RPS6KA5: variants seen among roughly 807,000 people sequenced by gnomAD.
RPS6KA5 encodes ribosomal protein S6 kinase A5.
In RPS6KA5, 27 loss-of-function variants were observed where a neutral mutation model predicts 85.5. The ratio of observed to expected loss-of-function variants is 0.32; its 90% confidence interval spans 0.23 to 0.44. The LOEUF (loss-of-function observed/expected upper bound fraction) is 0.44. Among genes scored for constraint, RPS6KA5 ranks in the 20% least tolerant of loss-of-function variants. RPS6KA5 has a pLI of 1.00. For missense variants in RPS6KA5, 811 were observed against 980.9 expected (o/e 0.83, Z 2.31); for synonymous variants, 334 against 348.2 (o/e 0.96, Z 0.46).
intron 1 of RPS6KA5, among the ~76,000 whole-genome samples, chr14:91,057,365 T>A (rs1000037221): frequency 6.6e-6 from 1 of 152,186 alleles, no homozygotes; most frequent in African/African-American, 2.4e-5. Context: ...TCCTGGATTC[T>A]CATGCATTCA....
intron 4 of RPS6KA5, among the ~76,000 whole-genome samples, chr14:90,944,057 T>C: frequency 6.6e-6 from 1 of 152,190 alleles, no homozygotes; most frequent in Non-Finnish European, 1.5e-5. Context: ...ATCAATTAAG[T>C]AACATTTATA....
chr14:90,904,508 C>T (rs1010549613), intron 8 of RPS6KA5, among the ~76,000 whole-genome samples: 3 of 152,160 alleles, frequency 2.0e-5, no homozygotes, highest in Non-Finnish European at 2.9e-5. Context: ...AACACAGTCT[C>T]TTGACTTTCT....
At chr14:90,972,649 A>C (rs557045716) in intron 3 of RPS6KA5, among the ~76,000 whole-genome samples, 41 of 152,246 alleles carry the variant, frequency 2.7e-4, no homozygotes, top group Non-Finnish European at 4.1e-4. Flanking sequence ...TACTGGAAGA[A>C]GACATCAGTT....
intron 1 of RPS6KA5, among the ~76,000 whole-genome samples, chr14:91,057,683 T>C (rs1400487088): frequency 6.6e-6 from 1 of 152,202 alleles, no homozygotes; most frequent in Non-Finnish European, 1.5e-5. Flanking sequence ...GAGTGATTTG[T>C]TTCCCAAATT....
intron 7 of RPS6KA5, among the ~76,000 whole-genome samples, chr14:90,914,560 C>T (rs2036010668): frequency 6.6e-6 from 1 of 152,070 alleles, no homozygotes; most frequent in Non-Finnish European, 1.5e-5. Context: ...GGTGATCCAC[C>T]TGCCTTGGCC....
chr14:91,044,295 A>C (rs28623219), intron 1 of RPS6KA5, among the ~76,000 whole-genome samples: 1 of 37,640 alleles, frequency 2.7e-5, no homozygotes, highest in Admixed American at 2.3e-4. Context: ...GAGAGAGAGA[A>C]AGAGAGAGAA....
intron 3 of RPS6KA5, among the ~76,000 whole-genome samples, chr14:90,950,605 T>C (rs2038122317): frequency 6.6e-6 from 1 of 152,214 alleles, no homozygotes. Flanking sequence ...AGGAGTTGAA[T>C]TTTGGCAAAT....
At chr14:90,934,177 T>TG (rs2037141073) in intron 5 of RPS6KA5, among the ~76,000 whole-genome samples, 4 of 152,198 alleles carry the variant, frequency 2.6e-5, no homozygotes, top group Non-Finnish European at 5.9e-5. Flanking sequence ...CATTGCAAGA[T>TG]CTCAACACTG....
At chr14:90,951,960 T>A (rs1595311857) in intron 3 of RPS6KA5, among the ~76,000 whole-genome samples, 1 of 152,272 alleles carries the variant, frequency 6.6e-6, no homozygotes, top group East Asian at 1.9e-4. Flanking sequence ...CCCCTTTGAA[T>A]CCTTTTCCTC....
At chr14:91,000,127 C>CAAAT (rs1348405942) in intron 2 of RPS6KA5, among the ~76,000 whole-genome samples, 1 of 152,138 alleles carries the variant, frequency 6.6e-6, no homozygotes, top group Non-Finnish European at 1.5e-5. Context: ...TTTCTGCATA[C>CAAAT]AAATATACAC....
intron 1 of RPS6KA5, among the ~76,000 whole-genome samples, chr14:91,002,755 AC>A (rs1373507788): frequency 1.3e-5 from 2 of 152,178 alleles, no homozygotes; most frequent in Non-Finnish European, 2.9e-5. Flanking sequence ...GATCTTTAGA[AC>A]CTTTTCATCC....
intron 1 of RPS6KA5, among the ~76,000 whole-genome samples, chr14:91,009,185 T>C (rs1283418765): frequency 6.6e-6 from 1 of 152,114 alleles, no homozygotes; most frequent in African/African-American, 2.4e-5. Context: ...CATTAAGAGG[T>C]GGGGCCACTG....
intron 3 of RPS6KA5, among the ~76,000 whole-genome samples, chr14:90,950,222 A>G (rs952108624): frequency 2.6e-5 from 4 of 152,082 alleles, no homozygotes; most frequent in African/African-American, 9.7e-5. Flanking sequence ...TCATTTTCAG[A>G]CTGTTTATTC....
At chr14:90,952,190 T>C (rs958101858) in intron 3 of RPS6KA5, among the ~76,000 whole-genome samples, 9 of 152,204 alleles carry the variant, frequency 5.9e-5, no homozygotes, top group African/African-American at 2.2e-4. Flanking sequence ...CTATATAGAG[T>C]TGTGTTAAGC....
At chr14:90,912,475 T>C (rs913524350) in intron 7 of RPS6KA5, among the ~76,000 whole-genome samples, 6 of 152,164 alleles carry the variant, frequency 3.9e-5, no homozygotes, top group Non-Finnish European at 7.4e-5. Flanking sequence ...CCCAGGCAAG[T>C]TACATCCTAG....
chr14:90,904,116 AT>A (rs1333988724), intron 8 of RPS6KA5, among the ~76,000 whole-genome samples: 1 of 152,004 alleles, frequency 6.6e-6, no homozygotes, highest in Non-Finnish European at 1.5e-5. Context: ...TGCCCGGCTA[AT>A]TTTTTGTATT....
At chr14:90,973,989 G>T (rs1341554703) in intron 3 of RPS6KA5, among the ~76,000 whole-genome samples, 2 of 119,962 alleles carry the variant, frequency 1.7e-5, no homozygotes, top group Non-Finnish European at 1.6e-5. Flanking sequence ...AGTGGGCCAA[G>T]ATTGCACCAC....
At chr14:91,036,928 A>G (rs543500851) in intron 1 of RPS6KA5, among the ~76,000 whole-genome samples, 1 of 152,330 alleles carries the variant, frequency 6.6e-6, no homozygotes, top group East Asian at 1.9e-4. Context: ...AAAGATGCAC[A>G]GTGAGCATGC....
intron 3 of RPS6KA5, among the ~76,000 whole-genome samples, chr14:90,972,598 A>G (rs1844506022): frequency 6.6e-6 from 1 of 152,254 alleles, no homozygotes; most frequent in African/African-American, 2.4e-5. Flanking sequence ...CGCCATCCAC[A>G]TGGATCCAAG....
Sources: gnomAD v4.1 joint callset for allele counts (sites outside exome capture counted in the v4.1 genomes callset) on GRCh38, gnomAD v4.1.1 for gene constraint, MANE v1.5 for transcripts, NCBI Gene and HGNC (gene_info 2026-07-23, HGNC 2026-07-21) for gene names.